Variants in TAFA2 observed in about 807,000 individuals in gnomAD.
The protein encoded by TAFA2 is TAFA chemokine like family member 2.
In TAFA2, 7 loss-of-function variants were observed where a neutral mutation model predicts 18.8. The ratio of observed to expected loss-of-function variants is 0.37; its 90% CI spans 0.21 to 0.70. The LOEUF is 0.70. TAFA2 is among the 30% of genes least tolerant of loss of function. The pLI, the probability that TAFA2 is intolerant of heterozygous loss-of-function variation, is 0.53. For missense variants in TAFA2, 122 were observed against 158.1 expected (o/e 0.77, Z 1.23); for synonymous variants, 60 against 54.2 (o/e 1.11, Z -0.47).
intron 4 of TAFA2, among the ~76,000 whole-genome samples, chr12:61,752,403 C>G (rs563602301): frequency 9.9e-5 from 15 of 151,842 alleles, no homozygotes; most frequent in Non-Finnish European, 1.9e-4. Flanking sequence ...ATTAATAGTG[C>G]TAGGGAAAAT....
intron 1 of TAFA2, among the ~76,000 whole-genome samples, chr12:61,970,170 C>G (rs1381373409): frequency 6.7e-6 from 1 of 149,934 alleles, no homozygotes; most frequent in Non-Finnish European, 1.5e-5. Flanking sequence ...ATTCCTGACA[C>G]TAAGAGCAAA....
At chr12:62,023,791 A>G (rs1362808878) in intron 1 of TAFA2, 1 of 152,024 alleles carries the variant, frequency 6.6e-6, no homozygotes, top group Non-Finnish European at 1.5e-5. Flanking sequence ...TGTCGAATGG[A>G]AGGAGAAAAA....
chr12:62,145,365 G>A (rs1458183488), intron 1 of TAFA2, among the ~76,000 whole-genome samples: 1 of 152,216 alleles, frequency 6.6e-6, no homozygotes, highest in Non-Finnish European at 1.5e-5. Context: ...CGCATGCAAG[G>A]AATCCGGGAT....
At chr12:61,881,819 G>T (rs906816686) in intron 1 of TAFA2, among the ~76,000 whole-genome samples, 9 of 151,790 alleles carry the variant, frequency 5.9e-5, no homozygotes, top group Non-Finnish European at 1.2e-4. Context: ...GTCAAATACA[G>T]CCTGGGGGCC....
rs532821178 is a variant in TAFA2 at position 62,081,497 on chromosome 12, T to C, written c.-2+109762A>G. Among the ~76,000 whole-genome samples, 19 of 152,084 alleles carry C rather than the reference T, an allele frequency of 1.2e-4. No homozygotes were observed. In the South Asian group the frequency reaches 4.0e-3, roughly 32 times the overall value. On this transcript the variant is annotated intron_variant, in intron 1 of 4. Coordinates refer to ENST00000416284, the MANE Select transcript of TAFA2 (RefSeq NM_178539.5). ...TTTTTATTTTGTTTGTTTGTTTGTT[T>C]GTTTTGATATGGAGTCTCTCTCTGT...
chr12:62,083,259 T>C (rs1364440205), intron 1 of TAFA2, among the ~76,000 whole-genome samples: 1 of 151,848 alleles, frequency 6.6e-6, no homozygotes, highest in African/African-American at 2.4e-5. Context: ...CTGAATCATT[T>C]CTTTGGGTGG....
At chr12:62,069,231 C>A (rs1278764605) in intron 1 of TAFA2, among the ~76,000 whole-genome samples, 1 of 152,058 alleles carries the variant, frequency 6.6e-6, no homozygotes, top group Admixed American at 6.6e-5. Flanking sequence ...TATCTGTGAC[C>A]CTAACAGCAA....
intron 2 of TAFA2, among the ~76,000 whole-genome samples, chr12:61,760,195 G>A (rs184290593): frequency 6.6e-6 from 1 of 150,722 alleles, no homozygotes; most frequent in African/African-American, 2.4e-5. Context: ...AAAACTGAAG[G>A]TGTAAAACTT....
At chr12:61,880,431 A>C in intron 1 of TAFA2, 1 of 539,624 alleles carries the variant, frequency 1.9e-6, no homozygotes, top group Admixed American at 1.9e-5. Flanking sequence ...ATGGCACAGC[A>C]GCTGCGTGTA....
At chr12:62,012,412 TAAAA>T (rs11301631) in intron 1 of TAFA2, among the ~76,000 whole-genome samples, 3 of 145,076 alleles carry the variant, frequency 2.1e-5, no homozygotes, top group South Asian at 2.2e-4. Context: ...TTTCAGCATT[TAAAA>T]AAAAAAAAAA....
intron 1 of TAFA2, among the ~76,000 whole-genome samples, chr12:62,040,689 C>T (rs1398127370): frequency 6.6e-6 from 1 of 152,066 alleles, no homozygotes; most frequent in African/African-American, 2.4e-5. Flanking sequence ...ATTTCAGCCA[C>T]CCCACTTCTG....
chr12:62,096,842 T>C (rs1444252), intron 1 of TAFA2, among the ~76,000 whole-genome samples: 8,232 of 152,132 alleles, frequency 0.054, 335 homozygotes, highest in Non-Finnish European at 0.083. Context: ...TGTCACACAA[T>C]TTCTCTTAGG....
chr12:62,172,247 C>T (rs547023247), intron 1 of TAFA2, among the ~76,000 whole-genome samples: 209 of 152,214 alleles, frequency 1.4e-3, no homozygotes, highest in African/African-American at 4.9e-3. Context: ...TCCTTCCTCC[C>T]TTCCTTCATC....
intron 2 of TAFA2, among the ~76,000 whole-genome samples, chr12:61,785,892 C>T (rs1438096408): frequency 1.3e-5 from 2 of 151,362 alleles, no homozygotes; most frequent in Non-Finnish European, 3.0e-5. Context: ...ATCACAAACA[C>T]AGTATGAAAC....
At chr12:61,743,260 T>A (rs1012299454) in intron 4 of TAFA2, among the ~76,000 whole-genome samples, 1 of 152,024 alleles carries the variant, frequency 6.6e-6, no homozygotes, top group Non-Finnish European at 1.5e-5. Flanking sequence ...TTTCTGTTCA[T>A]CCCTTAAAAG....
rs551778964 is a variant in TAFA2 at position 62,170,672 on chromosome 12, T to A, written c.-2+20587A>T. Among the ~76,000 whole-genome samples the A allele has an allele frequency of 2.8e-5, 4 of 141,164 alleles. No homozygotes were observed. In the East Asian group the frequency reaches 8.0e-4, roughly 28 times the overall value. The allele number at this position is 141,164 out of a possible 152,430, so 92.6% of individuals were successfully genotyped here. A position where few individuals can be genotyped will look rare whatever the true frequency, so the allele number is the denominator to read the frequency against. ...TACACATGCAGTTTTTTTACATCGA[T>A]ACAATGCAGAGTGGCGAAGTCTGTG... On this transcript the variant is annotated intron_variant, in intron 1 of 4. Transcript: ENST00000416284.
chr12:61,852,967 C>G (rs764328948), intron 2 of TAFA2, among the ~76,000 whole-genome samples: 7 of 152,094 alleles, frequency 4.6e-5, no homozygotes, highest in Non-Finnish European at 7.4e-5. Flanking sequence ...ATAAGTACTG[C>G]AGATCTAACA....
In TAFA2 at chr12:62,185,085, C is replaced by T. The variant is rs78406828; in HGVS notation, c.-2+6174G>A. 9.8e-3 allele frequency among the ~76,000 whole-genome samples: 1,486 copies of T among 152,014 alleles called. 21 individuals are homozygous for T. The highest frequency in any genetic ancestry group is 0.029 in the African/African-American group (1,202 of 41,444). ...CAACTAAAAAAGTATAAATTCTGAC[C>T]CAATTCTGAATGTATATTTATAAGC... On this transcript the variant is annotated intron_variant, in intron 1 of 4. Transcript: ENST00000416284.
rs1429034825 is a variant in TAFA2, at chr12:61,987,535, T to C, written c.-1-120109A>G. 3.9e-5 allele frequency among the ~76,000 whole-genome samples: 6 copies of C among 152,350 alleles called. No individual in the cohort carries two copies. In the East Asian group the frequency reaches 5.8e-4, roughly 15 times the overall value. ...TGATTGCCTTTGTTAGAAACTACCA[T>C]GGAAATATTATTCCCTGCAAGATGC... On this transcript the variant is annotated intron_variant, in intron 1 of 4. Coordinates refer to ENST00000416284, the MANE Select transcript of TAFA2 (RefSeq NM_178539.5).
Sources: allele counts gnomAD v4.1 joint callset (sites outside exome capture counted in the v4.1 genomes callset), GRCh38; gene constraint gnomAD v4.1.1; transcripts MANE v1.5; gene names NCBI Gene and HGNC (gene_info 2026-07-23, HGNC 2026-07-21).